SORT1: variants seen among roughly 807,000 people sequenced by gnomAD.
SORT1 encodes the protein sortilin.
Under a neutral mutation model 101.7 loss-of-function variants are expected in SORT1, and 39 were observed. That is an observed-to-expected ratio of 0.38 (90% CI 0.30 to 0.50). The LOEUF is 0.50. SORT1 is among the 20% of genes least tolerant of loss of function. The pLI, the probability that SORT1 is intolerant of heterozygous loss-of-function variation, is 0.90. For synonymous variants in SORT1, 396 were observed against 393.7 expected (o/e 1.01, Z -0.07); for missense variants, 878 against 1,040.4 (o/e 0.84, Z 2.15).
chr1:109,365,344 T>C (rs1651009654), intron 3 of SORT1, among the ~76,000 whole-genome samples: 2 of 152,158 alleles, frequency 1.3e-5, no homozygotes, highest in Non-Finnish European at 2.9e-5. Context: ...TACCTCAGTC[T>C]CCCAAGTAGC....
chr1:109,375,644 A>G (rs1187999923), intron 1 of SORT1, among the ~76,000 whole-genome samples: 1 of 151,950 alleles, frequency 6.6e-6, no homozygotes, highest in Non-Finnish European at 1.5e-5. Flanking sequence ...CTCAAGAAAC[A>G]CGATGAAAAA....
chr1:109,342,320 G>A (rs889226101), intron 8 of SORT1, among the ~76,000 whole-genome samples, 162 bp from the exon 9 acceptor site: 2 of 152,162 alleles, frequency 1.3e-5, no homozygotes, highest in Non-Finnish European at 2.9e-5. Flanking sequence ...GCAATTTCTA[G>A]CCCCTAGCAA....
chr1:109,353,096 C>T (rs563048005), intron 5 of SORT1, among the ~76,000 whole-genome samples: 8 of 152,110 alleles, frequency 5.3e-5, no homozygotes, highest in Middle Eastern at 3.4e-3. Context: ...GAGGCTGAGG[C>T]GGGCAGATCA....
chr1:109,323,224 T>A (rs1254080050), intron 14 of SORT1, 103 bp from the exon 15 acceptor site: 4 of 771,242 alleles, frequency 5.2e-6, no homozygotes, highest in African/African-American at 3.4e-5. Context: ...AAAGTGGGAA[T>A]GTCTGACTCA....
rs975892766 is a variant in SORT1, at chr1:109,310,913, T to A, written c.*3130A>T. On this transcript the variant is annotated 3_prime_UTR_variant, in exon 20 of 20. Coordinates refer to ENST00000256637, the MANE Select transcript of SORT1 (RefSeq NM_002959.7). ...AGGTGGCCAGCACATTACCAGCCTG[T>A]CAAGGATGAAAGACCACCTTGGGCA... 9 of 152,196 alleles carry A rather than the reference T, an allele frequency of 5.9e-5. No homozygotes were observed. In the South Asian group the frequency reaches 1.9e-3, roughly 32 times the overall value. 9.4% of individuals were successfully genotyped at this position (152,196 alleles called of 1,614,324 possible). A position where few individuals can be genotyped will look rare whatever the true frequency, so the allele number is the denominator to read the frequency against.
At chr1:109,375,274 T>C (rs1454645674) in intron 1 of SORT1, among the ~76,000 whole-genome samples, 1 of 151,746 alleles carries the variant, frequency 6.6e-6, no homozygotes, top group Non-Finnish European at 1.5e-5. Context: ...AAAAAAAAGT[T>C]AAGATATAAT....
intron 2 of SORT1, chr1:109,368,452 T>C (rs1379544957): frequency 6.6e-6 from 1 of 152,144 alleles, no homozygotes; most frequent in East Asian, 1.9e-4. Flanking sequence ...ATAAGAAATT[T>C]ACAATTTGCT....
chr1:109,312,622 A>G lies in SORT1; in HGVS notation c.*1421T>C, dbSNP rs755445051. Reference sequence around the variant, plus strand: ...GTCATAATCATTGGGAGAAACTGTGACCCGCACAGTAGCTACATTAAGACC... The same window carrying G: ...GTCATAATCATTGGGAGAAACTGTGGCCCGCACAGTAGCTACATTAAGACC... On this transcript the variant is annotated 3_prime_UTR_variant, in exon 20 of 20. Coordinates refer to ENST00000256637, the MANE Select transcript of SORT1 (RefSeq NM_002959.7). 6.6e-6 allele frequency: 1 copy of G among 152,606 alleles called. No individual in the cohort carries two copies. The highest frequency in any genetic ancestry group is 1.5e-5 in the Non-Finnish European group (1 of 68,036). The allele number at this position is 152,606 out of a possible 1,614,324, so 9.5% of individuals were successfully genotyped here.
intron 1 of SORT1, among the ~76,000 whole-genome samples, chr1:109,378,423 G>GT (rs1651994538): frequency 6.6e-6 from 1 of 151,842 alleles, no homozygotes; most frequent in South Asian, 2.1e-4. Flanking sequence ...CAGGAAAGGT[G>GT]TCTGATGATA....
Position 109,340,811 on chromosome 1 carries a change from G to A in SORT1, c.1177C>T (p.His393Tyr). The change falls in exon 10 of 20, where the codon CAT (histidine) becomes TAT (tyrosine). Residue 393 changes from histidine (H) to tyrosine (Y), a missense_variant. His to Tyr is a moderately conservative substitution (Grantham distance 83, BLOSUM62 2). Transcript: ENST00000256637. ...GIVYSKSLDR[H>Y]LYTTTGGETD... ...TCTCCGCCTGTGGTAGTGTAGAGATGTCGGTCCAAAGACTTGGAATAGACA... is the reference window on the plus strand; with the variant it reads ...TCTCCGCCTGTGGTAGTGTAGAGATATCGGTCCAAAGACTTGGAATAGACA... 1 of 1,613,884 alleles carries A rather than the reference G, an allele frequency of 6.2e-7. No individual in the cohort carries two copies. Among genetic ancestry groups the A allele is most frequent in the Middle Eastern group, 1.6e-4 (1 of 6,062 alleles).
intron 1 of SORT1, among the ~76,000 whole-genome samples, chr1:109,385,165 A>G (rs1652496819): frequency 6.6e-6 from 1 of 152,174 alleles, no homozygotes; most frequent in South Asian, 2.1e-4. Context: ...AAAGGCCTTA[A>G]TCCATTCATG....
chr1:109,355,651 C>CT (rs1184932557), intron 3 of SORT1, among the ~76,000 whole-genome samples, 182 bp from the exon 4 acceptor site: 4 of 136,924 alleles, frequency 2.9e-5, no homozygotes, highest in Non-Finnish European at 4.8e-5. Context: ...ACCCGCCCCC[C>CT]CCCCCACAAA....
chr1:109,324,426 G>A (rs1307114904), intron 14 of SORT1, among the ~76,000 whole-genome samples: 1 of 151,952 alleles, frequency 6.6e-6, no homozygotes, highest in Non-Finnish European at 1.5e-5. Context: ...ATGAGCCACC[G>A]CGCCTGGCCA....
intron 1 of SORT1, among the ~76,000 whole-genome samples, chr1:109,385,212 C>T (rs1201652953): frequency 6.6e-6 from 1 of 152,060 alleles, no homozygotes; most frequent in African/African-American, 2.4e-5. Context: ...TCTTAAAGAC[C>T]CACCACTTAA....
intron 11 of SORT1, among the ~76,000 whole-genome samples, 198 bp from the exon 12 acceptor site, chr1:109,327,799 T>C (rs1648185375): frequency 6.6e-6 from 1 of 152,204 alleles, no homozygotes; most frequent in Non-Finnish European, 1.5e-5. Context: ...ACCACATCTC[T>C]AAACTTTTTC....
intron 1 of SORT1, among the ~76,000 whole-genome samples, chr1:109,372,375 A>C (rs181300113): frequency 3.9e-5 from 6 of 152,372 alleles, no homozygotes; most frequent in Admixed American, 3.9e-4. Flanking sequence ...GCTAACACAC[A>C]GCATAGTGCA....
At chr1:109,355,008 G>A (rs185717158) in intron 4 of SORT1, among the ~76,000 whole-genome samples, 2 of 152,072 alleles carry the variant, frequency 1.3e-5, no homozygotes, top group East Asian at 3.9e-4. Context: ...TGGATTGCTT[G>A]AGCCCAGGAG....
chr1:109,314,243 A>C lies in SORT1; in HGVS notation c.2481+18T>G. 1 of 1,611,248 alleles carries C rather than the reference A, an allele frequency of 6.2e-7. No individual in the cohort carries two copies. The highest frequency in any genetic ancestry group is 8.5e-7 in the Non-Finnish European group (1 of 1,178,714). On this transcript the variant is annotated intron_variant, in intron 19 of 19. Coordinates refer to ENST00000256637, the MANE Select transcript of SORT1 (RefSeq NM_002959.7). The stretch of plus-strand genomic sequence containing the variant: ...TTTGGGGGGGGGGGTACTACCATTC[A>C]AGAAGAAATAGCCTCACCTCATCTG...
chr1:109,393,661 T>A (rs72983011), intron 1 of SORT1, among the ~76,000 whole-genome samples: 2,784 of 152,168 alleles, frequency 0.018, 92 homozygotes, highest in African/African-American at 0.064. Context: ...CAGTTTTGAG[T>A]TCCAGGCAAA....
Sources: allele counts gnomAD v4.1 joint callset (sites outside exome capture counted in the v4.1 genomes callset), GRCh38; gene constraint gnomAD v4.1.1; transcripts MANE v1.5; gene names NCBI Gene and HGNC (gene_info 2026-07-23, HGNC 2026-07-21).